The following TNK2 variants were observed in gnomAD, a reference collection of about 807,000 sequenced individuals.
TNK2 encodes the protein tyrosine kinase non receptor 2.
A neutral mutation model predicts 101.8 loss-of-function variants in TNK2; 83 were observed. That is an observed-to-expected ratio of 0.82 (90% CI 0.68 to 0.98). TNK2 has a LOEUF of 0.98. TNK2 is among the 50% of genes least tolerant of loss of function. The pLI, the probability that TNK2 is intolerant of heterozygous loss-of-function variation, is 0.00. For missense variants in TNK2, 1,665 were observed against 1,483.2 expected, an observed-to-expected ratio of 1.12 and a Z score of -2.01; for synonymous variants, 804 against 633.0, an observed-to-expected ratio of 1.27 and a Z score of -4.06.
chr3:195,886,611 G>T lies in TNK2; in HGVS notation c.234+366C>A, dbSNP rs1306883439. ...GGGAGGAGGGAAGCCAAGCAAAGACGTTCTGGGTCCAGACAGGTCCACCAC... is the reference window on the plus strand; with the variant it reads ...GGGAGGAGGGAAGCCAAGCAAAGACTTTCTGGGTCCAGACAGGTCCACCAC... On this transcript the variant is annotated intron_variant, in intron 3 of 15. Transcript: ENST00000672887. This position sits in a 1 kb window ranked among gnomAD's most constrained non-coding sequence, Gnocchi z 4.2. 6.6e-6 allele frequency among the ~76,000 whole-genome samples: 1 copy of T among 152,100 alleles called. No individual in the cohort carries two copies. The highest frequency in any genetic ancestry group is 6.5e-5 in the Admixed American group (1 of 15,280).
chr3:195,864,503 G>C (rs1479054573), intron 15 of TNK2, among the ~76,000 whole-genome samples: 2 of 150,424 alleles, frequency 1.3e-5, no homozygotes, highest in Non-Finnish European at 2.9e-5. Context: ...CTGCATCCCA[G>C]CTGCAAATCA....
At chr3:195,880,258 T>C (rs1751638023) in intron 6 of TNK2, among the ~76,000 whole-genome samples, 1 of 152,116 alleles carries the variant, frequency 6.6e-6, no homozygotes, top group Non-Finnish European at 1.5e-5. Context: ...CAAGGCCTGC[T>C]GTGGCCTGGG....
intron 1 of TNK2, among the ~76,000 whole-genome samples, chr3:195,907,905 G>A (rs1343486472): frequency 1.3e-5 from 2 of 152,136 alleles, no homozygotes; most frequent in African/African-American, 4.8e-5. Context: ...CCCTCCTTCC[G>A]CCCACTAATC....
rs540882079 is a variant in TNK2, at chr3:195,887,903, T to C, written c.163+523A>G. On this transcript the variant is annotated intron_variant, in intron 2 of 15. Coordinates refer to ENST00000672887, the MANE Select transcript of TNK2 (RefSeq NM_001382273.1). ...GCGTGCGTACGCACGTGCATGCGTGTGTGCACGTGCATGCGTGCGTGCACG... is the reference window on the plus strand; with the variant it reads ...GCGTGCGTACGCACGTGCATGCGTGCGTGCACGTGCATGCGTGCGTGCACG... Among the ~76,000 whole-genome samples the C allele has an allele frequency of 7.6e-4, 96 of 126,640 alleles. 1 individual carries two copies. The highest frequency in any genetic ancestry group is 3.2e-3 in the Admixed American group (45 of 13,978). The allele number at this position is 126,640 out of a possible 152,430, so 83.1% of individuals were successfully genotyped here.
At position 195,886,460 on chromosome 3, in the gene TNK2, C is replaced by T. The variant is rs1478918265; in HGVS notation, c.234+517G>A. On this transcript the variant is annotated intron_variant, in intron 3 of 15. Coordinates refer to ENST00000672887, the MANE Select transcript of TNK2 (RefSeq NM_001382273.1). The surrounding 1 kb of genome is among the most constrained non-coding windows in gnomAD (Gnocchi z 4.2). Reference sequence around the variant, plus strand: ...TGGGCAAAGTTCCACTGAGTCAGACCAGGGACTCACTACACCACAGACCCA... The same window carrying T: ...TGGGCAAAGTTCCACTGAGTCAGACTAGGGACTCACTACACCACAGACCCA... Among the ~76,000 whole-genome samples, 1 of 152,060 alleles carries T rather than the reference C, an allele frequency of 6.6e-6. No individual in the cohort carries two copies. Among genetic ancestry groups the T allele is most frequent in the East Asian group, 1.9e-4 (1 of 5,180 alleles).
rs1742928752 is a variant in TNK2, at chr3:195,869,045, T to C, written c.1589-336A>G. The C allele has an allele frequency of 6.7e-6, 3 of 449,688 alleles. No homozygotes were observed. The Admixed American group carries it at 1.2e-4, about 18-fold the overall frequency. The allele number at this position is 449,688 out of a possible 1,614,324, so 27.9% of individuals were successfully genotyped here. The stretch of plus-strand genomic sequence containing the variant: ...GCCCTGCTCCTGCGCCCTGGCGAGT[T>C]AGTGAGCCCTCATCCCCGCCCCTGT... On this transcript the variant is annotated intron_variant, in intron 12 of 15. Transcript: ENST00000672887.
At position 195,882,548 on chromosome 3, in the gene TNK2, G is replaced by A. The variant is rs958852563; in HGVS notation, c.610-220C>T. ...GATGCCTAGAGAGAAGGAGCCCAAA[G>A]AGGCAGTGGCTAGAAATTCCAAAAC... On this transcript the variant is annotated intron_variant, in intron 5 of 15. Transcript: ENST00000672887. This position sits in a 1 kb window ranked among gnomAD's most constrained non-coding sequence, Gnocchi z 4.2. The A allele has an allele frequency of 9.2e-6, 14 of 1,526,240 alleles. No individual in the cohort carries two copies. The highest frequency in any genetic ancestry group is 1.2e-5 in the Non-Finnish European group (14 of 1,141,192). 94.5% of individuals were successfully genotyped at this position (1,526,240 alleles called of 1,614,324 possible). A position where few individuals can be genotyped will look rare whatever the true frequency, so the allele number is the denominator to read the frequency against.
At chr3:195,876,572 C>T (rs1239490898) in intron 9 of TNK2, 4 of 456,634 alleles carry the variant, frequency 8.8e-6, no homozygotes, top group Non-Finnish European at 1.8e-5. Flanking sequence ...GCTCCCAAGC[C>T]TCACCGGCTG....
Position 195,890,523 on chromosome 3 carries a change from T to A in TNK2, c.-18-1917A>T, listed in dbSNP as rs1381451624. Among the ~76,000 whole-genome samples the A allele has an allele frequency of 3.4e-5, 5 of 147,968 alleles. No homozygotes were observed. The East Asian group carries it at 8.0e-4, about 24-fold the overall frequency. ...TGGAGTACAATGGTATGATCTTGGC[T>A]CATTGCAAACTCAGCCTCCCGGGTT... On this transcript the variant is annotated intron_variant, in intron 1 of 15. Coordinates refer to ENST00000672887, the MANE Select transcript of TNK2 (RefSeq NM_001382273.1).
At chr3:195,883,076 T>G (rs1753926563) in intron 5 of TNK2, 81 bp downstream of exon 5, 1 of 1,547,288 alleles carries the variant, frequency 6.5e-7, no homozygotes, top group African/African-American at 1.4e-5. Flanking sequence ...CCTCTGACCT[T>G]AGGATGGAGA....
In TNK2 at chr3:195,888,299, A is replaced by T; in HGVS notation, c.163+127T>A. ...TCTCATCACACATCAGCACCTACTG[A>T]TGTCCCTCCTGCTCCCTCAGGGCTC... On this transcript the variant is annotated intron_variant, in intron 2 of 15. Transcript: ENST00000672887. The surrounding 1 kb of genome is among the most constrained non-coding windows in gnomAD (Gnocchi z 5.3). 1.0e-6 allele frequency: 1 copy of T among 980,726 alleles called. No homozygotes were observed. Among genetic ancestry groups the T allele is most frequent in the Non-Finnish European group, 1.5e-6 (1 of 654,006 alleles). The allele number at this position is 980,726 out of a possible 1,614,324, so 60.8% of individuals were successfully genotyped here. A position where few individuals can be genotyped will look rare whatever the true frequency, so the allele number is the denominator to read the frequency against.
Position 195,878,318 on chromosome 3 carries a change from C to T in TNK2, c.1191G>A (p.Gln397=). 3 of 1,614,100 alleles carry T rather than the reference C, an allele frequency of 1.9e-6. No individual in the cohort carries two copies. The highest frequency in any genetic ancestry group is 2.5e-6 in the Non-Finnish European group (3 of 1,180,018). The change falls in exon 9 of 16, where the codon CAG becomes CAA. Residue 397 remains glutamine (Q), a synonymous_variant. Transcript: ENST00000672887. The surrounding 1 kb of genome is among the most constrained non-coding windows in gnomAD (Gnocchi z 4.7). ...EAQPTDMRAL[Q]DFEEPDKLHI... Reference sequence around the variant, plus strand: ...GCAGCTTGTCCGGTTCCTCAAAGTCCTGAAGGGCCCGCATGTCTGTGGGCT... The same window carrying T: ...GCAGCTTGTCCGGTTCCTCAAAGTCTTGAAGGGCCCGCATGTCTGTGGGCT...
chr3:195,892,609 C>T (rs1305215792), intron 1 of TNK2: 37 of 1,450,546 alleles, frequency 2.6e-5, no homozygotes, highest in East Asian at 7.7e-5. Flanking sequence ...TGAGGAAGAA[C>T]GGGGTGGGCC....
intron 1 of TNK2, among the ~76,000 whole-genome samples, chr3:195,896,574 T>C (rs1408066768): frequency 2.0e-5 from 3 of 152,194 alleles, no homozygotes; most frequent in Non-Finnish European, 4.4e-5. Context: ...CGGGAGACTG[T>C]AGAAGGCAAG....
rs145846055 is a variant in TNK2, at chr3:195,906,257, A to G, written c.-19+2228T>C. ...AAAATGTACAACCACTTTGGAAAAC[A>G]GTCTGGCAGTTTCTTAAAGGTTAAA... On this transcript the variant is annotated intron_variant, in intron 1 of 15. Transcript: ENST00000672887. Among the ~76,000 whole-genome samples, 50 of 152,348 alleles carry G rather than the reference A, an allele frequency of 3.3e-4. 1 individual carries two copies. The East Asian group carries it at 6.4e-3, about 19-fold the overall frequency.
Position 195,878,105 on chromosome 3 carries a change from C to T in TNK2, c.1256+148G>A, listed in dbSNP as rs560492234. 1.3e-6 allele frequency: 1 copy of T among 761,140 alleles called. No homozygotes were observed. Among genetic ancestry groups the T allele is most frequent in the East Asian group, 2.5e-5 (1 of 39,934 alleles). The allele number at this position is 761,140 out of a possible 1,614,324, so 47.1% of individuals were successfully genotyped here. On this transcript the variant is annotated intron_variant, in intron 9 of 15. Transcript: ENST00000672887. The surrounding 1 kb of genome is among the most constrained non-coding windows in gnomAD (Gnocchi z 4.7). Reference sequence around the variant, plus strand: ...ACTAGGAAGACGGAGGCAGGCCTGTCCTCCCCTCACACTGCAGGGTTCAGG... The same window carrying T: ...ACTAGGAAGACGGAGGCAGGCCTGTTCTCCCCTCACACTGCAGGGTTCAGG...
chr3:195,883,106 AT>A (rs1294597081), intron 5 of TNK2, 50 bp downstream of exon 5: 1 of 1,589,058 alleles, frequency 6.3e-7, no homozygotes, highest in African/African-American at 1.3e-5. Flanking sequence ...AACCACACAT[AT>A]GGGACCGGAG....
chr3:195,902,202 C>T (rs2149858089), intron 1 of TNK2, among the ~76,000 whole-genome samples: 1 of 152,288 alleles, frequency 6.6e-6, no homozygotes, highest in South Asian at 2.1e-4. Context: ...GTGAGAGACA[C>T]TTGACTGACC....
chr3:195,900,665 C>A (rs1236556069), intron 1 of TNK2, among the ~76,000 whole-genome samples: 1 of 152,246 alleles, frequency 6.6e-6, no homozygotes, highest in Non-Finnish European at 1.5e-5. Context: ...CTGTCTGGGT[C>A]TCACTCCCAT....
Sources: allele counts gnomAD v4.1 joint callset (sites outside exome capture counted in the v4.1 genomes callset), GRCh38; gene constraint gnomAD v4.1.1; non-coding constraint Gnocchi (gnomAD v3.1); transcripts MANE v1.5; gene names NCBI Gene and HGNC (gene_info 2026-07-23, HGNC 2026-07-21).